Variants in MED13 observed in about 807,000 individuals in gnomAD.
The protein encoded by MED13 is mediator complex subunit 13.
Under a neutral mutation model 225.2 loss-of-function variants are expected in MED13, and 23 were observed. The ratio of observed to expected loss-of-function variants is 0.10; its 90% CI spans 0.07 to 0.14. The LOEUF is 0.14. Ranked by LOEUF, MED13 falls within the 10% of genes least tolerant of loss-of-function variation. The pLI is 1.00. For synonymous variants in MED13, 942 were observed against 889.2 expected (o/e 1.06, Z -1.06); for missense variants, 2,197 against 2,594.5 (o/e 0.85, Z 3.33).
intron 6 of MED13, chr17:62,030,624 G>T (rs2080746307): frequency 6.6e-6 from 1 of 152,188 alleles, no homozygotes; most frequent in African/African-American, 2.4e-5. Context: ...TTGGAAATTA[G>T]ACAGTCTTTT....
In MED13 at chr17:62,029,630, T is replaced by C. The variant is rs1426088591; in HGVS notation, c.1194A>G (p.Ser398=). 7 of 1,613,578 alleles carry C rather than the reference T, an allele frequency of 4.3e-6. No individual in the cohort carries two copies. Among genetic ancestry groups the C allele is most frequent in the Non-Finnish European group, 5.1e-6 (6 of 1,179,754 alleles). ...CTGTCGCTTCTTCGCATAGACCACCTGATGAAGCAGAATACTTCCTCCTAA... is the reference window on the plus strand; with the variant it reads ...CTGTCGCTTCTTCGCATAGACCACCCGATGAAGCAGAATACTTCCTCCTAA... ...AQNKRKYSAS[S]GGLCEEATAA... The change falls in exon 8 of 30, where the codon TCA becomes TCG. Residue 398 remains serine, a synonymous_variant. Coordinates refer to ENST00000397786, the MANE Select transcript of MED13 (RefSeq NM_005121.3).
intron 16 of MED13, among the ~76,000 whole-genome samples, chr17:61,974,407 AAAAT>A (rs1487867279): frequency 2.6e-5 from 4 of 152,196 alleles, no homozygotes; most frequent in Non-Finnish European, 5.9e-5. Context: ...CCCTTTCTCA[AAAAT>A]AAATAAATAA....
intron 3 of MED13, among the ~76,000 whole-genome samples, chr17:62,048,404 A>C (rs1340364721): frequency 7.0e-6 from 1 of 143,354 alleles, no homozygotes; most frequent in Non-Finnish European, 1.5e-5. Context: ...GTTTCAAAAA[A>C]AAAAAAAAAA....
At chr17:61,977,557 T>C (rs2080167955) in intron 16 of MED13, among the ~76,000 whole-genome samples, 1 of 152,206 alleles carries the variant, frequency 6.6e-6, no homozygotes, top group South Asian at 2.1e-4. Context: ...GTTCACACCA[T>C]TCTCCTGCCT....
intron 3 of MED13, among the ~76,000 whole-genome samples, chr17:62,038,103 AAAT>A (rs2143702193): frequency 1.3e-5 from 2 of 152,276 alleles, no homozygotes; most frequent in South Asian, 4.1e-4. Flanking sequence ...ATGAAATATT[AAAT>A]AAGAGAATTT....
At chr17:61,970,680 A>G (rs1413344702) in intron 17 of MED13, among the ~76,000 whole-genome samples, 1 of 32,320 alleles carries the variant, frequency 3.1e-5, no homozygotes, top group African/African-American at 1.5e-4. Flanking sequence ...AGACTGTCTC[A>G]AAAAAAAAAA....
intron 2 of MED13, among the ~76,000 whole-genome samples, chr17:62,058,286 G>T (rs2081010787): frequency 6.6e-6 from 1 of 152,128 alleles, no homozygotes; most frequent in African/African-American, 2.4e-5. Flanking sequence ...GGCTGAGGCG[G>T]GCAGATCACC....
intron 16 of MED13, 81 bp from the exon 17 acceptor site, chr17:61,972,969 A>G (rs1326506597): frequency 4.1e-6 from 5 of 1,205,368 alleles, no homozygotes; most frequent in Non-Finnish European, 5.7e-6. Flanking sequence ...TACAAAACAC[A>G]TATAGGGAAG....
intron 9 of MED13, chr17:62,010,340 A>T: frequency 2.6e-6 from 1 of 391,416 alleles, no homozygotes; most frequent in Non-Finnish European, 4.5e-6. Flanking sequence ...GTGTTTACAC[A>T]TTATTTTCTC....
At chr17:61,956,270 A>C (rs2079943021) in intron 24 of MED13, 69 bp downstream of exon 24, 2 of 1,441,692 alleles carry the variant, frequency 1.4e-6, no homozygotes, top group Non-Finnish European at 1.9e-6. Context: ...ATATACCTAG[A>C]CGTGGTCAGA....
intron 16 of MED13, among the ~76,000 whole-genome samples, chr17:61,979,858 T>C (rs1257898864): frequency 1.3e-5 from 2 of 152,198 alleles, no homozygotes; most frequent in Admixed American, 6.5e-5. Flanking sequence ...TTCACCTTAA[T>C]GTATCGAAGT....
chr17:62,000,881 G>A (rs374033688), intron 9 of MED13, among the ~76,000 whole-genome samples: 26 of 152,194 alleles, frequency 1.7e-4, no homozygotes, highest in African/African-American at 5.5e-4. Context: ...TCCTACCTCA[G>A]CCTCCTGAAT....
At chr17:62,042,118 T>G (rs560870224) in intron 3 of MED13, among the ~76,000 whole-genome samples, 14 of 152,270 alleles carry the variant, frequency 9.2e-5, no homozygotes, top group African/African-American at 3.4e-4. Flanking sequence ...ATTTTTAAAT[T>G]TACAGGTATA....
In MED13 at chr17:61,951,015, T is replaced by C. The variant is rs535686377; in HGVS notation, c.6118-17A>G. The stretch of plus-strand genomic sequence containing the variant: ...ACTCTGACCCTTAAAAAGACAAAAT[T>C]AAAAGTATATTAGTTCACTCAGTGT... On this transcript the variant is annotated splice_polypyrimidine_tract_variant and intron_variant, in intron 27 of 29. Coordinates refer to ENST00000397786, the MANE Select transcript of MED13 (RefSeq NM_005121.3). The C allele has an allele frequency of 1.8e-4, 286 of 1,599,792 alleles. 5 individuals are homozygous for C. In the South Asian group the frequency reaches 3.1e-3, roughly 17 times the overall value.
intron 9 of MED13, among the ~76,000 whole-genome samples, chr17:61,998,545 C>T (rs1231377505): frequency 1.3e-5 from 2 of 149,728 alleles, no homozygotes; most frequent in East Asian, 1.9e-4. Context: ...AAGCTACAGA[C>T]GGAAAGTTAA....
At chr17:62,027,311 G>A (rs9911254) in intron 8 of MED13, among the ~76,000 whole-genome samples, 11,419 of 152,034 alleles carry the variant, frequency 0.075, 1,453 homozygotes, top group African/African-American at 0.26. Context: ...CTTTGACAAA[G>A]CTCACAAAAA....
chr17:61,970,657 G>C (rs186743775), intron 17 of MED13, among the ~76,000 whole-genome samples: 3 of 138,030 alleles, frequency 2.2e-5, no homozygotes, highest in Non-Finnish European at 4.5e-5. Flanking sequence ...ACTCCAGTCT[G>C]GGCAAGAGAG....
chr17:62,031,364 C>G, intron 6 of MED13, 80 bp downstream of exon 6: 1 of 1,213,458 alleles, frequency 8.2e-7, no homozygotes, highest in Non-Finnish European at 1.1e-6. Context: ...GAAACTATTT[C>G]AAAATAAATT....
intron 8 of MED13, among the ~76,000 whole-genome samples, chr17:62,016,772 G>A (rs547666404): frequency 6.6e-6 from 1 of 152,292 alleles, no homozygotes; most frequent in African/African-American, 2.4e-5. Flanking sequence ...ACTTTGGGAG[G>A]CCAAGGCGGA....
Sources: gnomAD v4.1 joint callset for allele counts (sites outside exome capture counted in the v4.1 genomes callset) on GRCh38, gnomAD v4.1.1 for gene constraint, MANE v1.5 for transcripts, NCBI Gene and HGNC (gene_info 2026-07-23, HGNC 2026-07-21) for gene names.